BCAS3: variants seen among roughly 807,000 people sequenced by gnomAD.
The protein encoded by BCAS3 is BCAS3 microtubule associated cell migration factor.
BCAS3 carries 53 observed loss-of-function variants against 116.1 expected under a neutral mutation model. The observed-to-expected ratio is 0.46, with a 90% CI of 0.37 to 0.57. The LOEUF (loss-of-function observed/expected upper bound fraction) is 0.57. BCAS3 is among the 20% of genes least tolerant of loss of function. The pLI is 0.00. For synonymous variants in BCAS3, 391 were observed against 408.2 expected, an observed-to-expected ratio of 0.96 and a Z score of 0.51; for missense variants, 917 against 1,165.4, an observed-to-expected ratio of 0.79 and a Z score of 3.10.
chr17:61,190,252 G>A (rs1264998119), intron 22 of BCAS3, among the ~76,000 whole-genome samples: 1 of 152,046 alleles, frequency 6.6e-6, no homozygotes, highest in Non-Finnish European at 1.5e-5. Flanking sequence ...TTGGCTGGGT[G>A]CGGTGGCTCA....
At chr17:60,800,092 C>T (rs1319167861) in intron 6 of BCAS3, among the ~76,000 whole-genome samples, 1 of 152,008 alleles carries the variant, frequency 6.6e-6, no homozygotes, top group African/African-American at 2.4e-5. Flanking sequence ...GGGATAAATG[C>T]CAAGTACTGT....
rs1396297666 is a variant in BCAS3, at chr17:61,097,926, A to G, written c.2425+13362A>G. Among the ~76,000 whole-genome samples, 1 of 152,218 alleles carries G rather than the reference A, an allele frequency of 6.6e-6. No individual in the cohort carries two copies. The highest frequency in any genetic ancestry group is 1.5e-5 in the Non-Finnish European group (1 of 68,036). On this transcript the variant is annotated intron_variant, in intron 22 of 23. Coordinates refer to ENST00000407086, the MANE Select transcript of BCAS3 (RefSeq NM_017679.5). The surrounding 1 kb of genome is among the most constrained non-coding windows in gnomAD (Gnocchi z 4.0). ...GAAATGAGCCACGTGGGAGTTGAAGAGAATCAACTATTCAGGTGGTGAAAA... is the reference window on the plus strand; with the variant it reads ...GAAATGAGCCACGTGGGAGTTGAAGGGAATCAACTATTCAGGTGGTGAAAA...
At chr17:60,988,186 T>TAAA (rs200074523) in intron 14 of BCAS3, among the ~76,000 whole-genome samples, 9 of 147,362 alleles carry the variant, frequency 6.1e-5, no homozygotes, top group Middle Eastern at 3.4e-3. Flanking sequence ...TTGGTTGTGA[T>TAAA]TTTTTTTTTT....
At chr17:60,819,776 C>T (rs554661264) in intron 7 of BCAS3, among the ~76,000 whole-genome samples, 1 of 151,606 alleles carries the variant, frequency 6.6e-6, no homozygotes, top group Non-Finnish European at 1.5e-5. Context: ...TCCTCACTCT[C>T]TTTCTGAGAC....
chr17:61,042,660 G>C (rs1481305348), intron 19 of BCAS3, among the ~76,000 whole-genome samples: 1 of 151,740 alleles, frequency 6.6e-6, no homozygotes, highest in East Asian at 1.9e-4. Flanking sequence ...GGCTGAAGCG[G>C]GAGGATCACT....
intron 5 of BCAS3, among the ~76,000 whole-genome samples, chr17:60,718,471 G>A (rs372146946): frequency 9.2e-5 from 14 of 152,220 alleles, no homozygotes; most frequent in African/African-American, 3.4e-4. Flanking sequence ...GTCTTGCTCT[G>A]TTGCCCAGGC....
chr17:61,170,398 T>G (rs1296333745), intron 22 of BCAS3, among the ~76,000 whole-genome samples: 3 of 151,942 alleles, frequency 2.0e-5, no homozygotes, highest in African/African-American at 7.2e-5. Context: ...GTTCACACCA[T>G]TCTCCTGCCT....
intron 5 of BCAS3, among the ~76,000 whole-genome samples, chr17:60,715,477 A>G (rs1042998105): frequency 2.0e-5 from 3 of 152,008 alleles, no homozygotes; most frequent in Non-Finnish European, 4.4e-5. Context: ...TTATTTCAAA[A>G]TATCATACTT....
In BCAS3 at chr17:61,286,765, T is replaced by A. The variant is rs2051834675; in HGVS notation, c.2426-81562T>A. ...AAACTCTGCCACGGGCTTACCAGAG[T>A]GAGAAGTTAGCATATTGAGGCAAAT... On this transcript the variant is annotated intron_variant, in intron 22 of 23. Coordinates refer to ENST00000407086, the MANE Select transcript of BCAS3 (RefSeq NM_017679.5). This position sits in a 1 kb window ranked among gnomAD's most constrained non-coding sequence, Gnocchi z 4.8. 6.6e-6 allele frequency among the ~76,000 whole-genome samples: 1 copy of A among 152,200 alleles called. No homozygotes were observed.
In BCAS3 at chr17:61,347,883, G is replaced by A. The variant is rs1176374197; in HGVS notation, c.2426-20444G>A. 3.3e-5 allele frequency among the ~76,000 whole-genome samples: 5 copies of A among 152,198 alleles called. No homozygotes were observed. Among genetic ancestry groups the A allele is most frequent in the Admixed American group, 2.6e-4 (4 of 15,280 alleles). ...AGATGCACAGACACAGGGGCAAGGC[G>A]CAAGGTGGGGTGTAGCGTTCAGAGT... is the stretch of plus-strand genomic sequence containing the variant. On this transcript the variant is annotated intron_variant, in intron 22 of 23. Coordinates refer to ENST00000407086, the MANE Select transcript of BCAS3 (RefSeq NM_017679.5). This position sits in a 1 kb window ranked among gnomAD's most constrained non-coding sequence, Gnocchi z 4.3.
intron 5 of BCAS3, among the ~76,000 whole-genome samples, chr17:60,718,316 C>T (rs543136018): frequency 1.3e-5 from 2 of 152,170 alleles, no homozygotes; most frequent in South Asian, 2.1e-4. Flanking sequence ...ATACAGCTGC[C>T]TACTGTACTT....
At chr17:60,680,134 C>CAAAAAAAAAAAAAAAA in intron 2 of BCAS3, among the ~76,000 whole-genome samples, 1 of 108,430 alleles carries the variant, frequency 9.2e-6, no homozygotes. Context: ...ACTCTGTCTC[C>CAAAAAAAAAAAAAAAA]AAAAAAAAAA....
intron 15 of BCAS3, among the ~76,000 whole-genome samples, chr17:61,011,894 G>A (rs1748161106): frequency 6.6e-6 from 1 of 152,004 alleles, no homozygotes. Flanking sequence ...TTACATGTCT[G>A]TGTCAGCTAT....
At chr17:61,042,724 C>T (rs1166888842) in intron 19 of BCAS3, among the ~76,000 whole-genome samples, 1 of 151,170 alleles carries the variant, frequency 6.6e-6, no homozygotes, top group East Asian at 1.9e-4. Context: ...CCCATCTCTA[C>T]TAAAAATACG....
chr17:61,229,603 A>G lies in BCAS3; in HGVS notation c.2426-138724A>G, dbSNP rs2082552706. On this transcript the variant is annotated intron_variant, in intron 22 of 23. Coordinates refer to ENST00000407086, the MANE Select transcript of BCAS3 (RefSeq NM_017679.5). This position sits in a 1 kb window ranked among gnomAD's most constrained non-coding sequence, Gnocchi z 4.4. ...CATTCATTTTGAAGGGGATGCTCAAACTATAGCACAGACCAATTTTCTTTG... is the reference window on the plus strand; with the variant it reads ...CATTCATTTTGAAGGGGATGCTCAAGCTATAGCACAGACCAATTTTCTTTG... Among the ~76,000 whole-genome samples, 1 of 152,220 alleles carries G rather than the reference A, an allele frequency of 6.6e-6. No individual in the cohort carries two copies. Among genetic ancestry groups the G allele is most frequent in the Non-Finnish European group, 1.5e-5 (1 of 68,030 alleles).
At chr17:61,312,217 G>T (rs559023200) in intron 22 of BCAS3, among the ~76,000 whole-genome samples, 1 of 152,304 alleles carries the variant, frequency 6.6e-6, no homozygotes, top group Admixed American at 6.5e-5. Flanking sequence ...GATTCTGCAT[G>T]TTGTGCTTAT....
rs1171562702 is a variant in BCAS3 at position 61,307,258 on chromosome 17, C to T, written c.2426-61069C>T. 6.6e-6 allele frequency among the ~76,000 whole-genome samples: 1 copy of T among 152,252 alleles called. No homozygotes were observed. Among genetic ancestry groups the T allele is most frequent in the Non-Finnish European group, 1.5e-5 (1 of 68,048 alleles). On this transcript the variant is annotated intron_variant, in intron 22 of 23. Transcript: ENST00000407086. This position sits in a 1 kb window ranked among gnomAD's most constrained non-coding sequence, Gnocchi z 4.7. ...ACAGTTACACCTCAGCTGTGGGTTC[C>T]TCTGGGACTGTTCCCCAGAAGGAGA...
intron 6 of BCAS3, among the ~76,000 whole-genome samples, chr17:60,802,505 ATG>A (rs2047904557): frequency 6.6e-6 from 1 of 151,858 alleles, no homozygotes; most frequent in South Asian, 2.1e-4. Context: ...GAAATGATTA[ATG>A]ACAATTTTTA....
At chr17:61,270,590 T>C (rs1030453257) in intron 22 of BCAS3, among the ~76,000 whole-genome samples, 2 of 152,196 alleles carry the variant, frequency 1.3e-5, no homozygotes, top group Admixed American at 6.5e-5. Flanking sequence ...GTTTTTAAAT[T>C]TGATGTCGTC....
Sources: allele counts gnomAD v4.1 joint callset (sites outside exome capture counted in the v4.1 genomes callset), GRCh38; gene constraint gnomAD v4.1.1; non-coding constraint Gnocchi (gnomAD v3.1); transcripts MANE v1.5; gene names NCBI Gene and HGNC (gene_info 2026-07-23, HGNC 2026-07-21).